SNRNP25: variants seen among roughly 807,000 people sequenced by gnomAD.
The protein encoded by SNRNP25 is U11/U12 small nuclear ribonucleoprotein 25 kDa protein.
In SNRNP25, 21 loss-of-function variants were observed where a neutral mutation model predicts 23.9. The ratio of observed to expected loss-of-function variants is 0.88; its 90% CI spans 0.62 to 1.27. SNRNP25 has a LOEUF of 1.27. SNRNP25 is among the 50% of genes most tolerant of loss of function. The pLI is 0.00. For missense variants in SNRNP25, 160 were observed against 156.9 expected (o/e 1.02, Z -0.11); for synonymous variants, 63 against 60.4 (o/e 1.04, Z -0.20).
At chr16:56,981 GC>G in intron 4 of SNRNP25, 104 bp from the exon 5 acceptor site, 1 of 1,287,402 alleles carries the variant, frequency 7.8e-7, no homozygotes, top group East Asian at 2.3e-5. Context: ...GAAGCCACAC[GC>G]CTCCCCTCTG....
chr16:57,080 T>C lies in SNRNP25; in HGVS notation c.315-6T>C, dbSNP rs373879119. On this transcript the variant is annotated splice_region_variant and splice_polypyrimidine_tract_variant and intron_variant, in intron 4 of 4. Transcript: ENST00000293861. ...CAGGTGCTTTATGCCTTTCCTTCTT[T>C]TTCAGCTACGGCATCCGGAATCGAG... The C allele has an allele frequency of 3.7e-6, 6 of 1,614,110 alleles. No individual in the cohort carries two copies. The highest frequency in any genetic ancestry group is 5.1e-6 in the Non-Finnish European group (6 of 1,180,010).
At position 57,613 on chromosome 16, in the gene SNRNP25, T is replaced by G. The variant is rs2141839171; in HGVS notation, c.*470T>G. 1 of 171,766 alleles carries G rather than the reference T, an allele frequency of 5.8e-6. No homozygotes were observed. The highest frequency in any genetic ancestry group is 1.5e-4 in the South Asian group (1 of 6,590). The allele number at this position is 171,766 out of a possible 1,614,324, so 10.6% of individuals were successfully genotyped here. A position where few individuals can be genotyped will look rare whatever the true frequency, so the allele number is the denominator to read the frequency against. Reference sequence around the variant, plus strand: ...CCACTCCCCAAACCACACAACTGTGTTACCATGATCTCCACAGCAAGGAGG... The same window carrying G: ...CCACTCCCCAAACCACACAACTGTGGTACCATGATCTCCACAGCAAGGAGG... On this transcript the variant is annotated 3_prime_UTR_variant, in exon 5 of 5. Transcript: ENST00000293861.
At chr16:55,245 C>T (rs1484530928) in intron 1 of SNRNP25, 1 of 504,706 alleles carries the variant, frequency 2.0e-6, no homozygotes, top group Admixed American at 3.3e-5. Context: ...CCTCTTTCCC[C>T]CAGAGACTCT....
intron 1 of SNRNP25, chr16:55,220 G>C (rs548272627): frequency 7.0e-5 from 32 of 459,134 alleles, no homozygotes; most frequent in Middle Eastern, 1.2e-3. Flanking sequence ...TTATTCTCTT[G>C]CCTGTTTCTT....
intron 2 of SNRNP25, 65 bp from the exon 3 acceptor site, chr16:55,712 C>T: frequency 6.3e-7 from 1 of 1,581,298 alleles, no homozygotes; most frequent in Admixed American, 1.7e-5. Flanking sequence ...TCCTTTCCTG[C>T]CATCGGAGGC....
chr16:53,933 C>T lies in SNRNP25; in HGVS notation c.-84C>T. Reference sequence around the variant, plus strand: ...GGAGGAGACGGAGGCCGCGGGTGGGCCCGAGGCGCAAGAGGAAGATGAGGA... The same window carrying T: ...GGAGGAGACGGAGGCCGCGGGTGGGTCCGAGGCGCAAGAGGAAGATGAGGA... On this transcript the variant is annotated 5_prime_UTR_variant, in exon 1 of 5. Coordinates refer to ENST00000293861, the MANE Select transcript of SNRNP25 (RefSeq NM_024571.4). 1.9e-6 allele frequency: 3 copies of T among 1,561,104 alleles called. 1 individual carries two copies. The highest frequency in any genetic ancestry group is 2.3e-5 in the South Asian group (2 of 85,352).
In SNRNP25 at chr16:54,030, A is replaced by T; in HGVS notation, c.14A>T (p.Asp5Val). The T allele has an allele frequency of 6.2e-7, 1 of 1,608,090 alleles. No homozygotes were observed. Among genetic ancestry groups the T allele is most frequent in the Non-Finnish European group, 8.5e-7 (1 of 1,178,798 alleles). The part of the protein sequence containing the change: MVVQ[D>V]PLLCDLPIQV... The stretch of plus-strand genomic sequence containing the variant: ...GAGGGTCTGGCTATGGTGGTGCAGG[A>T]CCCGCTGCTCTGCGATCTGCCGATC... Residue 5 changes from aspartate to valine, a missense_variant, in exon 1 of 5, where the codon GAC becomes GTC. Physicochemically the swap from Asp to Val is radical, Grantham distance 152. Transcript: ENST00000293861.
intron 1 of SNRNP25, 33 bp downstream of exon 1, chr16:54,091 T>G (rs2141836818): frequency 6.3e-7 from 1 of 1,579,710 alleles, no homozygotes. Flanking sequence ...GGCGCGGGAG[T>G]CGTTCCCCGG....
intron 1 of SNRNP25, 103 bp downstream of exon 1, chr16:54,161 G>A: frequency 7.1e-6 from 9 of 1,273,080 alleles, no homozygotes; most frequent in African/African-American, 1.5e-5. Context: ...TGCGGCCCAA[G>A]GCTGAGGAAG....
rs1454244438 is a variant in SNRNP25, at chr16:56,614, G to A, written c.314+1G>A. The A allele has an allele frequency of 6.2e-7, 1 of 1,613,862 alleles. No individual in the cohort carries two copies. Among genetic ancestry groups the A allele is most frequent in the Non-Finnish European group, 8.5e-7 (1 of 1,179,990 alleles). On this transcript the variant is annotated splice_donor_variant, in intron 4 of 4. Coordinates refer to ENST00000293861, the MANE Select transcript of SNRNP25 (RefSeq NM_024571.4). LOFTEE classifies it high-confidence loss of function. ...CGGAAGACAGAAAGAAGCTCCGAGA[G>A]TAAGTGCCGGCCACGTCCTGAGCCG...
At position 53,900 on chromosome 16, in the gene SNRNP25, G is replaced by T. The variant is rs1897373142; in HGVS notation, c.-117G>T. Reference sequence around the variant, plus strand: ...TGCGGGCAGAGCCCGGCTGAGAGGGGCGGCCCTGGAGGAGACGGAGGCCGC... The same window carrying T: ...TGCGGGCAGAGCCCGGCTGAGAGGGTCGGCCCTGGAGGAGACGGAGGCCGC... On this transcript the variant is annotated 5_prime_UTR_variant, in exon 1 of 5. Coordinates refer to ENST00000293861, the MANE Select transcript of SNRNP25 (RefSeq NM_024571.4). The T allele has an allele frequency of 1.3e-6, 2 of 1,515,618 alleles. No individual in the cohort carries two copies. The highest frequency in any genetic ancestry group is 1.4e-5 in the African/African-American group (1 of 72,602). The allele number at this position is 1,515,618 out of a possible 1,614,324, so 93.9% of individuals were successfully genotyped here. A position where few individuals can be genotyped will look rare whatever the true frequency, so the allele number is the denominator to read the frequency against.
rs559980521 is a variant in SNRNP25 at position 57,242 on chromosome 16, T to C, written c.*99T>C. On this transcript the variant is annotated 3_prime_UTR_variant, in exon 5 of 5. Coordinates refer to ENST00000293861, the MANE Select transcript of SNRNP25 (RefSeq NM_024571.4). ...TCGTGCCTCTTTCACAGAAAGGACG[T>C]TGTGGTGGCCTCACCCCAGGCATGC... The C allele has an allele frequency of 7.7e-5, 103 of 1,337,864 alleles. No homozygotes were observed. In the African/African-American group the frequency reaches 1.3e-3, roughly 17 times the overall value. 82.9% of individuals were successfully genotyped at this position (1,337,864 alleles called of 1,614,324 possible).
rs1289392397 is a variant in SNRNP25, at chr16:57,210, C to T, written c.*67C>T. On this transcript the variant is annotated 3_prime_UTR_variant, in exon 5 of 5. Coordinates refer to ENST00000293861, the MANE Select transcript of SNRNP25 (RefSeq NM_024571.4). ...CTTTTTCCCAGCAGGAATGGGTCCT[C>T]GAATCATCGTGCCTCTTTCACAGAA... 30 of 1,515,364 alleles carry T rather than the reference C, an allele frequency of 2.0e-5. No individual in the cohort carries two copies. Among genetic ancestry groups the T allele is most frequent in the South Asian group, 4.5e-5 (4 of 89,178 alleles). The allele number at this position is 1,515,364 out of a possible 1,614,324, so 93.9% of individuals were successfully genotyped here.
rs1476274549 is a variant in SNRNP25, at chr16:53,875, T to G, written c.-142T>G. The stretch of plus-strand genomic sequence containing the variant: ...TGGCCTCCCTAGTGCGGGCTGGCAG[T>G]GCGGGCAGAGCCCGGCTGAGAGGGG... On this transcript the variant is annotated 5_prime_UTR_variant, in exon 1 of 5. Coordinates refer to ENST00000293861, the MANE Select transcript of SNRNP25 (RefSeq NM_024571.4). 6.8e-7 allele frequency: 1 copy of G among 1,467,010 alleles called. No homozygotes were observed. The highest frequency in any genetic ancestry group is 9.2e-7 in the Non-Finnish European group (1 of 1,086,160). The allele number at this position is 1,467,010 out of a possible 1,614,324, so 90.9% of individuals were successfully genotyped here.
chr16:54,732 A>T (rs1454418984), intron 1 of SNRNP25, among the ~76,000 whole-genome samples: 2 of 151,882 alleles, frequency 1.3e-5, no homozygotes, highest in Non-Finnish European at 2.9e-5. Context: ...TTATTTATTT[A>T]TTTGAGACTG....
intron 4 of SNRNP25, 73 bp from the exon 5 acceptor site, chr16:57,013 A>T: frequency 6.5e-7 from 1 of 1,547,868 alleles, no homozygotes; most frequent in African/African-American, 1.4e-5. Context: ...GTGGTCCTCC[A>T]CAGCCTCAGG....
intron 1 of SNRNP25, 38 bp from the exon 2 acceptor site, chr16:55,421 G>A (rs376036089): frequency 5.2e-5 from 82 of 1,586,778 alleles, no homozygotes; most frequent in Non-Finnish European, 7.0e-5. Context: ...GTGGTAAAGA[G>A]AGCCAGGGTT....
At chr16:56,349 ACAGCCCTCTGAG>A in intron 3 of SNRNP25, 178 bp from the exon 4 acceptor site, 1 of 722,602 alleles carries the variant, frequency 1.4e-6, no homozygotes, top group Non-Finnish European at 2.6e-6. Flanking sequence ...GCCGCCCCAG[ACAGCCCTCTGAG>A]AACAGAGCCT....
chr16:54,414 T>C (rs1897380990), intron 1 of SNRNP25, among the ~76,000 whole-genome samples: 1 of 152,096 alleles, frequency 6.6e-6, no homozygotes, highest in African/African-American at 2.4e-5. Context: ...CACACCCGGC[T>C]AATTTTTAAA....
Sources: allele counts gnomAD v4.1 joint callset (sites outside exome capture counted in the v4.1 genomes callset), GRCh38; gene constraint gnomAD v4.1.1; transcripts MANE v1.5; gene names NCBI Gene and HGNC (gene_info 2026-07-23, HGNC 2026-07-21).